Variants in ZBTB7A observed in about 807,000 individuals in gnomAD.
ZBTB7A encodes zinc finger and BTB domain-containing protein 7A.
ZBTB7A carries 7 observed loss-of-function variants against 26.7 expected under a neutral mutation model. The observed-to-expected ratio is 0.26, with a 90% confidence interval of 0.15 to 0.49. ZBTB7A has a LOEUF of 0.49. Among genes scored for constraint, ZBTB7A ranks in the 20% least tolerant of loss-of-function variants. ZBTB7A has a pLI of 0.98. For missense variants in ZBTB7A, 617 were observed against 919.5 expected, an observed-to-expected ratio of 0.67 and a Z score of 4.25; for synonymous variants, 452 against 441.0, an observed-to-expected ratio of 1.02 and a Z score of -0.31.
intron 1 of ZBTB7A, among the ~76,000 whole-genome samples, chr19:4,064,125 C>T (rs1568238984): frequency 6.6e-6 from 1 of 152,274 alleles, no homozygotes; most frequent in African/African-American, 2.4e-5. Flanking sequence ...AGCAAAGGAC[C>T]CATCCACTGC....
In ZBTB7A at chr19:4,048,264, C is replaced by A. The variant is rs762241835; in HGVS notation, c.1263-20G>T. 4 of 1,556,592 alleles carry A rather than the reference C, an allele frequency of 2.6e-6. No individual in the cohort carries two copies. Among genetic ancestry groups the A allele is most frequent in the Non-Finnish European group, 3.4e-6 (4 of 1,159,694 alleles). On this transcript the variant is annotated intron_variant, in intron 2 of 2. Coordinates refer to ENST00000322357, the MANE Select transcript of ZBTB7A (RefSeq NM_015898.4). The surrounding 1 kb of genome is among the most constrained non-coding windows in gnomAD (Gnocchi z 6.7). Reference sequence around the variant, plus strand: ...TCCTGCCTGTGGACGGGGCACGGGGCGGGCACGGTCAGTGGGGCCGGGGAC... The same window carrying A: ...TCCTGCCTGTGGACGGGGCACGGGGAGGGCACGGTCAGTGGGGCCGGGGAC...
At position 4,054,279 on chromosome 19, in the gene ZBTB7A, C is replaced by T. The variant is rs1223499598; in HGVS notation, c.954G>A (p.Thr318=). 1.3e-6 allele frequency: 2 copies of T among 1,553,054 alleles called. No homozygotes were observed. Among genetic ancestry groups the T allele is most frequent in the East Asian group, 2.4e-5 (1 of 42,344 alleles). Residue 318 remains threonine (T), a synonymous_variant, in exon 2 of 3, where the codon ACG becomes ACA. Transcript: ENST00000322357. ...CCGATGACATCATCTGCTGCAGCAG[C>T]GTGCTGGCCGCCAGCCCGTCCACGT... is the stretch of plus-strand genomic sequence containing the variant. ...GPDVDGLAAS[T]LLQQMMSSVG... is the part of the protein sequence containing the mutation.
intron 1 of ZBTB7A, among the ~76,000 whole-genome samples, chr19:4,060,654 A>G (rs1442564255): frequency 1.3e-5 from 2 of 152,218 alleles, no homozygotes; most frequent in African/African-American, 4.8e-5. Context: ...AGGGCACCCC[A>G]GCACGGGGAG....
intron 1 of ZBTB7A, among the ~76,000 whole-genome samples, chr19:4,060,731 G>A (rs993558552): frequency 1.1e-4 from 16 of 152,338 alleles, no homozygotes; most frequent in African/African-American, 3.8e-4. Flanking sequence ...AGGCTGCATC[G>A]CTAGTGCAGG....
At position 4,047,556 on chromosome 19, in the gene ZBTB7A, G is replaced by A. The variant is rs900539832; in HGVS notation, c.*196C>T. 1 of 445,808 alleles carries A rather than the reference G, an allele frequency of 2.2e-6. No individual in the cohort carries two copies. The highest frequency in any genetic ancestry group is 3.4e-6 in the Non-Finnish European group (1 of 295,326). 27.6% of individuals were successfully genotyped at this position (445,808 alleles called of 1,614,324 possible). ...TGCGGAGGGAGAAAAACGTCAGAAA[G>A]GAGGGAAATCTGAGAAAGCGCTACC... On this transcript the variant is annotated 3_prime_UTR_variant, in exon 3 of 3. Coordinates refer to ENST00000322357, the MANE Select transcript of ZBTB7A (RefSeq NM_015898.4).
intron 1 of ZBTB7A, among the ~76,000 whole-genome samples, chr19:4,064,790 C>A (rs1278746302): frequency 6.6e-6 from 1 of 152,188 alleles, no homozygotes; most frequent in Admixed American, 6.5e-5. Flanking sequence ...CTGTGACTTC[C>A]GCCGCCTGAC....
intron 1 of ZBTB7A, among the ~76,000 whole-genome samples, chr19:4,064,549 C>G (rs1010663043): frequency 6.6e-6 from 1 of 152,256 alleles, no homozygotes; most frequent in Non-Finnish European, 1.5e-5. Flanking sequence ...TCTCCCAGAC[C>G]AGTTTGCCAA....
At position 4,060,917 on chromosome 19, in the gene ZBTB7A, C is replaced by T. The variant is rs552475066; in HGVS notation, c.-15-5670G>A. ...AGAGCAGGGAAGGAGGCCAAAGGGA[C>T]CTCTCACCCCTCATGTGCTGTGCAG... On this transcript the variant is annotated intron_variant, in intron 1 of 2. Transcript: ENST00000322357. 3.9e-5 allele frequency among the ~76,000 whole-genome samples: 6 copies of T among 152,298 alleles called. No homozygotes were observed. In the East Asian group the frequency reaches 1.2e-3, roughly 29 times the overall value.
At chr19:4,065,720 G>T (rs1319362812) in intron 1 of ZBTB7A, 1 of 135,320 alleles carries the variant, frequency 7.4e-6, no homozygotes, top group Non-Finnish European at 1.6e-5. Flanking sequence ...GCCCTCCCCG[G>T]GGAGCGCGGG....
intron 2 of ZBTB7A, among the ~76,000 whole-genome samples, chr19:4,049,640 C>T (rs961571190): frequency 1.3e-5 from 2 of 152,000 alleles, no homozygotes; most frequent in African/African-American, 2.4e-5. Flanking sequence ...CCCCTCTGTC[C>T]GGGACAAAGT....
Position 4,047,903 on chromosome 19 carries a change from T to C in ZBTB7A, c.1604A>G (p.Glu535Gly), listed in dbSNP as rs2040443659. ...SSPDARRNGQ[E>G]KHFKDEDEDE... ...CTCGTCCTCGTCCTTAAAGTGCTTC[T>C]CCTGGCCGTTGCGCCGGGCGTCGGG... Residue 535 changes from glutamate to glycine, a missense_variant, in exon 3 of 3, where the codon GAG becomes GGG. Coordinates refer to ENST00000322357, the MANE Select transcript of ZBTB7A (RefSeq NM_015898.4). 1.3e-6 allele frequency: 2 copies of C among 1,553,324 alleles called. No homozygotes were observed. The highest frequency in any genetic ancestry group is 2.8e-5 in the African/African-American group (2 of 70,738).
At position 4,054,522 on chromosome 19, in the gene ZBTB7A, G is replaced by A. The variant is rs1204546080; in HGVS notation, c.711C>T (p.Gly237=). Residue 237 remains glycine, a synonymous_variant, in exon 2 of 3, where the codon GGC becomes GGT. Transcript: ENST00000322357. Reference sequence around the variant, plus strand: ...CTGGCCACAGACCCGGGTTGCTGTCGCCCTCGTCCCCGTCCCCCGTCGGGG... The same window carrying A: ...CTGGCCACAGACCCGGGTTGCTGTCACCCTCGTCCCCGTCCCCCGTCGGGG... ...ERPPTGDGDE[G]DSNPGLWPER... 3 of 1,433,274 alleles carry A rather than the reference G, an allele frequency of 2.1e-6. No homozygotes were observed. Among genetic ancestry groups the A allele is most frequent in the Non-Finnish European group, 2.7e-6 (3 of 1,103,852 alleles). The allele number at this position is 1,433,274 out of a possible 1,614,324, so 88.8% of individuals were successfully genotyped here.
rs2040407921 is a variant in ZBTB7A, at chr19:4,045,745, T to C, written c.*2007A>G. ...ATATGCAAACGGGGTGAGGGCGTCCTGGCATCTGGCGACATAGTCTCCCCA... is the reference window on the plus strand; with the variant it reads ...ATATGCAAACGGGGTGAGGGCGTCCCGGCATCTGGCGACATAGTCTCCCCA... On this transcript the variant is annotated 3_prime_UTR_variant, in exon 3 of 3. Transcript: ENST00000322357. This position sits in a 1 kb window ranked among gnomAD's most constrained non-coding sequence, Gnocchi z 4.1. 2 of 396,880 alleles carry C rather than the reference T, an allele frequency of 5.0e-6. No homozygotes were observed. Among genetic ancestry groups the C allele is most frequent in the Admixed American group, 8.8e-5 (2 of 22,684 alleles). 24.6% of individuals were successfully genotyped at this position (396,880 alleles called of 1,614,324 possible).
In ZBTB7A at chr19:4,047,644, T is replaced by C; in HGVS notation, c.*108A>G. ...ATATATATATAGATATAGATATCTG[T>C]ATATAGATAGATTTTCTTTTTTTGT... On this transcript the variant is annotated 3_prime_UTR_variant, in exon 3 of 3. Transcript: ENST00000322357. 8.7e-7 allele frequency: 1 copy of C among 1,143,022 alleles called. No individual in the cohort carries two copies. The highest frequency in any genetic ancestry group is 1.2e-6 in the Non-Finnish European group (1 of 819,668). The allele number at this position is 1,143,022 out of a possible 1,614,324, so 70.8% of individuals were successfully genotyped here. A position where few individuals can be genotyped will look rare whatever the true frequency, so the allele number is the denominator to read the frequency against.
Position 4,052,193 on chromosome 19 carries a change from C to T in ZBTB7A, c.1262+1778G>A, listed in dbSNP as rs1038959412. Among the ~76,000 whole-genome samples, 12 of 152,144 alleles carry T rather than the reference C, an allele frequency of 7.9e-5. No homozygotes were observed. The East Asian group carries it at 9.7e-4, about 12-fold the overall frequency. On this transcript the variant is annotated intron_variant, in intron 2 of 2. Transcript: ENST00000322357. This position sits in a 1 kb window ranked among gnomAD's most constrained non-coding sequence, Gnocchi z 4.9. ...AGCAGTGCCCGAGTCAGAATGAAAC[C>T]GGGCCTGTGGCCTGCGGCCAGGGAG...
At chr19:4,060,300 G>A (rs938908335) in intron 1 of ZBTB7A, among the ~76,000 whole-genome samples, 1 of 152,232 alleles carries the variant, frequency 6.6e-6, no homozygotes, top group South Asian at 2.1e-4. Flanking sequence ...CACCCAGCTG[G>A]CTGCCAGGCA....
rs551597239 is a variant in ZBTB7A at position 4,048,976 on chromosome 19, CAA to C, written c.1263-734_1263-733del. Among the ~76,000 whole-genome samples, 58 of 100,366 alleles carry C rather than the reference CAA, an allele frequency of 5.8e-4. No homozygotes were observed. Among genetic ancestry groups the C allele is most frequent in the Admixed American group, 1.1e-3 (10 of 9,208 alleles). The allele number at this position is 100,366 out of a possible 152,430, so 65.8% of individuals were successfully genotyped here. A position where few individuals can be genotyped will look rare whatever the true frequency, so the allele number is the denominator to read the frequency against. On this transcript the variant is annotated intron_variant, in intron 2 of 2. Coordinates refer to ENST00000322357, the MANE Select transcript of ZBTB7A (RefSeq NM_015898.4). The surrounding 1 kb of genome is among the most constrained non-coding windows in gnomAD (Gnocchi z 6.7). ...CTCGGTGACAGAATGAGACTGTCTC[CAA>C]AAAAAAAAAAAAAGAGAGGCAGGGT...
At chr19:4,056,335 C>T (rs949561284) in intron 1 of ZBTB7A, among the ~76,000 whole-genome samples, 1 of 152,192 alleles carries the variant, frequency 6.6e-6, no homozygotes, top group African/African-American at 2.4e-5. Context: ...GTCTCATCAG[C>T]GTGAGATGAG....
Position 4,058,797 on chromosome 19 carries a change from G to A in ZBTB7A, c.-15-3550C>T, listed in dbSNP as rs529280544. On this transcript the variant is annotated intron_variant, in intron 1 of 2. Transcript: ENST00000322357. ...GGACCCAAAGCCCAGGGCCCTCAGC[G>A]CGGGGCCTGAGCTGCCAGGCGACAC... 4.4e-3 allele frequency among the ~76,000 whole-genome samples: 664 copies of A among 152,264 alleles called. 8 individuals are homozygous for A. Among genetic ancestry groups the A allele is most frequent in the African/African-American group, 0.015 (638 of 41,568 alleles).
Sources: allele counts gnomAD v4.1 joint callset (sites outside exome capture counted in the v4.1 genomes callset), GRCh38; gene constraint gnomAD v4.1.1; non-coding constraint Gnocchi (gnomAD v3.1); transcripts MANE v1.5; gene names NCBI Gene and HGNC (gene_info 2026-07-23, HGNC 2026-07-21).